The following AGMO variants were observed in gnomAD, a reference collection of about 807,000 sequenced individuals.
AGMO encodes the protein alkylglycerol monooxygenase.
Under a neutral mutation model 60.2 loss-of-function variants are expected in AGMO, and 75 were observed. The ratio of observed to expected loss-of-function variants is 1.25; its 90% CI spans 1.03 to 1.51. AGMO has a LOEUF of 1.51. Among genes scored for constraint, AGMO ranks in the 40% most tolerant of loss-of-function variants. The pLI, the probability that AGMO is intolerant of heterozygous loss-of-function variation, is 0.00. For synonymous variants in AGMO, 261 were observed against 177.1 expected, an observed-to-expected ratio of 1.47 and a Z score of -3.76; for missense variants, 763 against 525.5, an observed-to-expected ratio of 1.45 and a Z score of -4.42.
chr7:15,144,555 G>C, the AGMO span, among the ~76,000 whole-genome samples: 1 of 152,210 alleles, frequency 6.6e-6, no homozygotes, highest in Non-Finnish European at 1.5e-5. Context: ...CGTGTATAGA[G>C]AATGGTACTT....
At chr7:15,392,404 T>C (rs372640645) in intron 6 of AGMO, among the ~76,000 whole-genome samples, 1 of 152,060 alleles carries the variant, frequency 6.6e-6, no homozygotes, top group African/African-American at 2.4e-5. Flanking sequence ...ACTGCAAGTG[T>C]ATAATCCCCT....
In AGMO at chr7:15,371,586, G is replaced by A. The variant is rs149738989; in HGVS notation, c.1075-5364C>T. On this transcript the variant is annotated intron_variant, in intron 10 of 12. Coordinates refer to ENST00000342526, the MANE Select transcript of AGMO (RefSeq NM_001004320.2). ...ATTTTTTTGTATTTTTAGTAGAGAT[G>A]GGGTTTCACCATGTTGACCAGGCTT... is the stretch of plus-strand genomic sequence containing the variant. Among the ~76,000 whole-genome samples, 600 of 152,152 alleles carry A rather than the reference G, an allele frequency of 3.9e-3. 4 individuals are homozygous for A. The highest frequency in any genetic ancestry group is 0.017 in the Middle Eastern group (5 of 294).
the AGMO span, among the ~76,000 whole-genome samples, chr7:15,157,516 C>G: frequency 6.6e-6 from 1 of 152,194 alleles, no homozygotes; most frequent in Non-Finnish European, 1.5e-5. Context: ...GCGTCCCACT[C>G]TCTTTTTGCC....
chr7:15,448,308 C>T (rs1028825146), intron 3 of AGMO, among the ~76,000 whole-genome samples: 3 of 152,148 alleles, frequency 2.0e-5, no homozygotes, highest in Non-Finnish European at 4.4e-5. Context: ...CTAAAAGAGA[C>T]TCCAAAGAGA....
chr7:15,386,210 TGGCAG>T (rs1783906962), intron 9 of AGMO, among the ~76,000 whole-genome samples: 1 of 152,090 alleles, frequency 6.6e-6, no homozygotes, highest in Admixed American at 6.6e-5. Flanking sequence ...AAGGTGATCT[TGGCAG>T]TGTAGGTAAT....
At chr7:15,299,934 G>A (rs188464056) in intron 12 of AGMO, among the ~76,000 whole-genome samples, 1 of 148,920 alleles carries the variant, frequency 6.7e-6, no homozygotes, top group East Asian at 2.0e-4. Flanking sequence ...TAGCAGACAA[G>A]AACATGTAAA....
intron 5 of AGMO, among the ~76,000 whole-genome samples, chr7:15,397,261 C>A (rs1450002589): frequency 6.6e-6 from 1 of 152,048 alleles, no homozygotes; most frequent in African/African-American, 2.4e-5. Context: ...TACCCAGACC[C>A]TGATCAAGCC....
intron 3 of AGMO, among the ~76,000 whole-genome samples, chr7:15,451,351 G>A (rs1392924384): frequency 2.0e-5 from 3 of 152,114 alleles, no homozygotes; most frequent in Non-Finnish European, 4.4e-5. Context: ...TGAATTCTGG[G>A]TAATTACATA....
At chr7:15,193,362 A>T in the AGMO span, among the ~76,000 whole-genome samples, 1 of 152,212 alleles carries the variant, frequency 6.6e-6, no homozygotes, top group Non-Finnish European at 1.5e-5. Flanking sequence ...AAAATTTATC[A>T]AGTAATTTGT....
At chr7:15,315,179 G>A (rs142593816) in intron 12 of AGMO, among the ~76,000 whole-genome samples, 1 of 151,998 alleles carries the variant, frequency 6.6e-6, no homozygotes, top group East Asian at 1.9e-4. Flanking sequence ...GGCACATAGA[G>A]GTATGAAATA....
At chr7:15,412,902 A>T (rs1780655368) in intron 5 of AGMO, among the ~76,000 whole-genome samples, 1 of 152,150 alleles carries the variant, frequency 6.6e-6, no homozygotes, top group Non-Finnish European at 1.5e-5. Context: ...AACAGAATCT[A>T]GAGTCTTTAC....
chr7:15,531,456 ATATATATTCTATATATATTCTC>A (rs1784348480), intron 3 of AGMO, among the ~76,000 whole-genome samples: 4 of 24,008 alleles, frequency 1.7e-4, no homozygotes, highest in African/African-American at 1.8e-4. Context: ...TATATTCTCT[ATATATATTCTATATATATTCTC>A]TATATATATT....
At chr7:15,246,850 T>C (rs555362953) in intron 12 of AGMO, among the ~76,000 whole-genome samples, 7 of 152,242 alleles carry the variant, frequency 4.6e-5, no homozygotes, top group South Asian at 4.1e-4. Context: ...TATAGTTAAA[T>C]TCTCCTATTT....
intron 12 of AGMO, among the ~76,000 whole-genome samples, chr7:15,245,788 C>G (rs1232638652): frequency 2.0e-5 from 3 of 152,060 alleles, no homozygotes; most frequent in African/African-American, 7.2e-5. Context: ...AGAAATAGCA[C>G]AAATGCTTGG....
chr7:15,282,651 T>C (rs903434934), intron 12 of AGMO, among the ~76,000 whole-genome samples: 7 of 152,182 alleles, frequency 4.6e-5, no homozygotes, highest in African/African-American at 1.7e-4. Flanking sequence ...AGCAAAAACA[T>C]TGGAAAACTT....
intron 2 of AGMO, among the ~76,000 whole-genome samples, chr7:15,551,161 C>A (rs1039686444): frequency 1.3e-5 from 2 of 152,086 alleles, no homozygotes; most frequent in African/African-American, 4.8e-5. Flanking sequence ...ATTGATGGGA[C>A]GTATTTCAAA....
the AGMO span, among the ~76,000 whole-genome samples, chr7:15,141,949 C>T: frequency 6.6e-6 from 1 of 152,182 alleles, no homozygotes; most frequent in African/African-American, 2.4e-5. Flanking sequence ...CTTCAGCCAG[C>T]ATTTCTCTTC....
chr7:15,358,421 A>G (rs1191069885), intron 12 of AGMO: 4 of 471,192 alleles, frequency 8.5e-6, no homozygotes, highest in African/African-American at 8.0e-5. Flanking sequence ...TAGATTGCAG[A>G]GTTGGAAGAC....
At chr7:15,215,900 A>G (rs1052827577) in intron 12 of AGMO, among the ~76,000 whole-genome samples, 4 of 152,120 alleles carry the variant, frequency 2.6e-5, no homozygotes, top group African/African-American at 9.7e-5. Flanking sequence ...ATAATTGAGC[A>G]CTGACGTATT....
Sources: allele counts gnomAD v4.1 joint callset (sites outside exome capture counted in the v4.1 genomes callset), GRCh38; gene constraint gnomAD v4.1.1; transcripts MANE v1.5; gene names NCBI Gene and HGNC (gene_info 2026-07-23, HGNC 2026-07-21).